The following DPP10 variants were observed in gnomAD, a reference collection of about 807,000 sequenced individuals.
DPP10 encodes the protein dipeptidyl peptidase like 10.
In DPP10, 33 loss-of-function variants were observed where a neutral mutation model predicts 120.9. The observed-to-expected ratio is 0.27, with a 90% CI of 0.21 to 0.37. DPP10 has a LOEUF of 0.37. DPP10 is among the 10% of genes least tolerant of loss of function. The pLI, the probability that DPP10 is intolerant of heterozygous loss-of-function variation, is 1.00. For missense variants in DPP10, 816 were observed against 942.8 expected (o/e 0.87, Z 1.76); for synonymous variants, 337 against 326.1 (o/e 1.03, Z -0.36).
chr2:114,689,884 G>A (rs1290913173), intron 1 of DPP10, among the ~76,000 whole-genome samples: 2 of 151,782 alleles, frequency 1.3e-5, no homozygotes, highest in Non-Finnish European at 2.9e-5. Context: ...GTCTTCTTTT[G>A]AGAAGTGTCT....
intron 1 of DPP10, among the ~76,000 whole-genome samples, chr2:115,009,078 G>C (rs1702068540): frequency 1.0e-5 from 1 of 100,334 alleles, no homozygotes; most frequent in Admixed American, 1.2e-4. Flanking sequence ...CCCATTACTG[G>C]GTATATACCC....
intron 3 of DPP10, among the ~76,000 whole-genome samples, chr2:115,460,382 A>G (rs1323084806): frequency 6.6e-6 from 1 of 152,176 alleles, no homozygotes; most frequent in African/African-American, 2.4e-5. Flanking sequence ...AACTCAAGTA[A>G]TATCTCCCAA....
At position 115,046,155 on chromosome 2, in the gene DPP10, A is replaced by G. The variant is rs146912590; in HGVS notation, c.61-263084A>G. Among the ~76,000 whole-genome samples, 361 of 152,318 alleles carry G rather than the reference A, an allele frequency of 2.4e-3. 1 individual carries two copies. Among genetic ancestry groups the G allele is most frequent in the African/African-American group, 8.2e-3 (339 of 41,580 alleles). ...TAGGGAGGTAACTTAAGATTCTAGT[A>G]ATTAACCAAGGTGTAAGCAACTTAA... On this transcript the variant is annotated intron_variant, in intron 1 of 25. Coordinates refer to ENST00000410059, the MANE Select transcript of DPP10 (RefSeq NM_020868.6).
At chr2:114,849,872 G>A (rs1402675045) in intron 1 of DPP10, among the ~76,000 whole-genome samples, 1 of 151,842 alleles carries the variant, frequency 6.6e-6, no homozygotes, top group Non-Finnish European at 1.5e-5. Context: ...TCTGATCTCA[G>A]GCACCTTTTA....
At chr2:114,921,772 A>G (rs943373637) in intron 1 of DPP10, among the ~76,000 whole-genome samples, 6 of 152,238 alleles carry the variant, frequency 3.9e-5, no homozygotes, top group Non-Finnish European at 7.3e-5. Flanking sequence ...TCTGTCTATT[A>G]TGGCTGTATC....
chr2:114,565,191 A>G (rs914930803), intron 1 of DPP10, among the ~76,000 whole-genome samples: 1 of 152,142 alleles, frequency 6.6e-6, no homozygotes, highest in Non-Finnish European at 1.5e-5. Context: ...CTCTGTCACT[A>G]TCTCCTTAGC....
At chr2:114,832,337 T>C (rs1266010917) in intron 1 of DPP10, among the ~76,000 whole-genome samples, 1 of 152,078 alleles carries the variant, frequency 6.6e-6, no homozygotes, top group Non-Finnish European at 1.5e-5. Context: ...ATCGAGACCA[T>C]CCTGGCTAAC....
intron 3 of DPP10, among the ~76,000 whole-genome samples, chr2:115,350,787 A>T (rs1441736859): frequency 6.6e-6 from 1 of 152,100 alleles, no homozygotes; most frequent in Non-Finnish European, 1.5e-5. Flanking sequence ...CACTAATCCA[A>T]ACCTCTGCAA....
At chr2:114,643,854 G>A (rs1209755760) in intron 1 of DPP10, among the ~76,000 whole-genome samples, 4 of 149,674 alleles carry the variant, frequency 2.7e-5, no homozygotes, top group Admixed American at 2.7e-4. Flanking sequence ...AAACCCACTT[G>A]ATTAGTGTGT....
chr2:115,788,599 A>C (rs1683592913), intron 17 of DPP10, among the ~76,000 whole-genome samples: 1 of 152,232 alleles, frequency 6.6e-6, no homozygotes, highest in Non-Finnish European at 1.5e-5. Flanking sequence ...CAATAGTGGA[A>C]CATTATACGT....
intron 4 of DPP10, among the ~76,000 whole-genome samples, chr2:115,519,932 A>C (rs1483254492): frequency 6.6e-6 from 1 of 152,204 alleles, no homozygotes; most frequent in Non-Finnish European, 1.5e-5. Context: ...ATCTTTCCAA[A>C]ATGATAGATG....
intron 5 of DPP10, among the ~76,000 whole-genome samples, chr2:115,635,063 G>A (rs916680979): frequency 5.9e-5 from 9 of 151,586 alleles, no homozygotes; most frequent in Non-Finnish European, 1.0e-4. Context: ...ATTTTCCCTG[G>A]CATTGCAGGG....
chr2:115,747,810 G>T (rs1405353345), intron 10 of DPP10, among the ~76,000 whole-genome samples: 2 of 152,068 alleles, frequency 1.3e-5, no homozygotes, highest in Admixed American at 6.6e-5. Context: ...AGCCAGGATG[G>T]TCTCAATCTC....
chr2:115,142,430 G>A (rs762904330), intron 1 of DPP10, among the ~76,000 whole-genome samples: 44 of 152,290 alleles, frequency 2.9e-4, no homozygotes, highest in Admixed American at 4.6e-4. Flanking sequence ...AGATAGCATG[G>A]ACCCAGGAGA....
intron 1 of DPP10, among the ~76,000 whole-genome samples, chr2:114,615,784 T>G (rs1693630642): frequency 2.0e-5 from 3 of 152,134 alleles, no homozygotes; most frequent in African/African-American, 7.2e-5. Context: ...TGGATAGAAA[T>G]TATTTGCAAG....
chr2:114,516,453 A>C (rs554142511), intron 1 of DPP10, among the ~76,000 whole-genome samples: 1 of 152,100 alleles, frequency 6.6e-6, no homozygotes, highest in Admixed American at 6.6e-5. Context: ...AGCTCTCCCA[A>C]CCCTGGAAAA....
chr2:114,463,766 C>T (rs1679123595), intron 1 of DPP10, among the ~76,000 whole-genome samples: 1 of 152,166 alleles, frequency 6.6e-6, no homozygotes, highest in South Asian at 2.1e-4. Context: ...ACTCTCGCCA[C>T]CCTAAAAGAA....
intron 21 of DPP10, among the ~76,000 whole-genome samples, chr2:115,825,909 T>G (rs1688263560): frequency 6.6e-6 from 1 of 152,184 alleles, no homozygotes; most frequent in Non-Finnish European, 1.5e-5. Context: ...CAGAAGAGGC[T>G]GGTTTTATAG....
intron 3 of DPP10, among the ~76,000 whole-genome samples, chr2:115,422,049 G>A (rs2070022134): frequency 6.6e-6 from 1 of 151,982 alleles, no homozygotes; most frequent in Non-Finnish European, 1.5e-5. Context: ...GATTCCTGTA[G>A]AAGATGAAAA....
Sources: gnomAD v4.1 joint callset for allele counts (sites outside exome capture counted in the v4.1 genomes callset) on GRCh38, gnomAD v4.1.1 for gene constraint, MANE v1.5 for transcripts, NCBI Gene and HGNC (gene_info 2026-07-23, HGNC 2026-07-21) for gene names.